Variants in CASK observed in about 807,000 individuals in gnomAD.
CASK encodes calcium/calmodulin dependent serine protein kinase, also known as peripheral plasma membrane protein CASK.
A neutral mutation model predicts 82.9 loss-of-function variants in CASK; 4 were observed. The observed-to-expected ratio is 0.05, with a 90% CI of 0.02 to 0.11. CASK has a LOEUF of 0.11. CASK is among the 10% of genes least tolerant of loss of function. CASK has a pLI of 1.00. For missense variants in CASK, 358 were observed against 720.9 expected, an observed-to-expected ratio of 0.50 and a Z score of 5.76; for synonymous variants, 259 against 253.5, an observed-to-expected ratio of 1.02 and a Z score of -0.20.
chrX:41,892,292 A>AAT (rs1451344261), intron 1 of CASK, among the ~76,000 whole-genome samples: 1 of 107,736 alleles, frequency 9.3e-6, no homozygotes, highest in African/African-American at 3.4e-5. Context: ...GATGTCGCCA[A>AAT]ATATACAATG....
At chrX:41,912,057 G>T (rs2072579381) in intron 1 of CASK, among the ~76,000 whole-genome samples, 1 of 104,337 alleles carries the variant, frequency 9.6e-6, no homozygotes, top group Admixed American at 1.1e-4. Context: ...ACAGGCCCCG[G>T]TGTGTGATGT....
At chrX:41,809,401 A>T (rs2070221035) in intron 2 of CASK, among the ~76,000 whole-genome samples, 1 of 112,193 alleles carries the variant, frequency 8.9e-6, no homozygotes, top group Admixed American at 9.4e-5. Context: ...CTTCCAGAGG[A>T]ACGATCAGGC....
At chrX:41,686,123 T>C (rs1336454360) in intron 5 of CASK, among the ~76,000 whole-genome samples, 4 of 110,550 alleles carry the variant, frequency 3.6e-5, no homozygotes, top group Non-Finnish European at 7.6e-5. Context: ...GGAGTCTCGC[T>C]CTGTCACCCA....
At chrX:41,569,002 C>A (rs781189335) in intron 16 of CASK, among the ~76,000 whole-genome samples, 74 of 111,264 alleles carry the variant, frequency 6.7e-4, no homozygotes, top group African/African-American at 2.4e-3. Context: ...TCAAAAAAAA[C>A]CCCCACATCA....
intron 2 of CASK, among the ~76,000 whole-genome samples, chrX:41,791,329 C>T (rs962736856): frequency 9.6e-6 from 1 of 104,419 alleles, no homozygotes; most frequent in Non-Finnish European, 2.0e-5. Flanking sequence ...CAAAGTCCAT[C>T]GTGTCATTCT....
At chrX:41,593,220 A>G (rs1403475309) in intron 12 of CASK, among the ~76,000 whole-genome samples, 1 of 111,231 alleles carries the variant, frequency 9.0e-6, no homozygotes, top group Non-Finnish European at 1.9e-5. Context: ...GCACCTCTCA[A>G]GGCAGCCACA....
intron 1 of CASK, among the ~76,000 whole-genome samples, chrX:41,872,511 C>CACCTCTTATG (rs1278995668): frequency 8.9e-6 from 1 of 111,811 alleles, no homozygotes; most frequent in Non-Finnish European, 1.9e-5. Flanking sequence ...ACAGAAAGAT[C>CACCTCTTATG]ACCTCTTATG....
intron 5 of CASK, among the ~76,000 whole-genome samples, chrX:41,724,904 T>C (rs759544213): frequency 1.8e-5 from 2 of 112,473 alleles, no homozygotes; most frequent in East Asian, 5.5e-4. Context: ...AACAGCATCA[T>C]AAAAGGAAGC....
chrX:41,695,482 A>G (rs1322241860), intron 5 of CASK: 2 of 449,711 alleles, frequency 4.4e-6, no homozygotes, highest in East Asian at 3.7e-5. Flanking sequence ...AGCCCAGCCT[A>G]TTATTTACAC....
intron 5 of CASK, chrX:41,728,242 G>A: frequency 3.3e-6 from 1 of 304,705 alleles, no homozygotes; most frequent in Non-Finnish European, 5.9e-6. Flanking sequence ...ACTTTCAGAA[G>A]CAAAAATTAA....
chrX:41,846,022 C>CA (rs1198253490), intron 2 of CASK, among the ~76,000 whole-genome samples: 1 of 111,180 alleles, frequency 9.0e-6, no homozygotes, highest in African/African-American at 3.3e-5. Context: ...GGAGGTTCCT[C>CA]AAAAAACTAA....
At chrX:41,792,935 C>T (rs958241484) in intron 2 of CASK, among the ~76,000 whole-genome samples, 3 of 111,544 alleles carry the variant, frequency 2.7e-5, no homozygotes, top group African/African-American at 9.8e-5. Context: ...GATAAGTTGA[C>T]TTGCTTTAAT....
At chrX:41,575,489 G>C (rs190348164) in intron 15 of CASK, among the ~76,000 whole-genome samples, 4 of 110,299 alleles carry the variant, frequency 3.6e-5, no homozygotes, top group East Asian at 5.7e-4. Flanking sequence ...TTGTAAGCTA[G>C]TTCAAGCTTG....
chrX:41,696,356 T>C, intron 5 of CASK: 1 of 1,174,278 alleles, frequency 8.5e-7, no homozygotes, highest in Non-Finnish European at 1.1e-6. Flanking sequence ...ATATTAAGAT[T>C]GGGAAGAATC....
intron 11 of CASK, among the ~76,000 whole-genome samples, chrX:41,618,322 C>A (rs1215051158): frequency 9.0e-6 from 1 of 111,628 alleles, no homozygotes; most frequent in African/African-American, 3.3e-5. Flanking sequence ...TGTTTTGAGA[C>A]AGGATCTTGC....
chrX:41,678,851 C>T (rs1269067931), intron 5 of CASK, among the ~76,000 whole-genome samples: 3 of 110,359 alleles, frequency 2.7e-5, no homozygotes, highest in Non-Finnish European at 3.8e-5. Flanking sequence ...TTCTATCCAT[C>T]TTACTTTTTA....
chrX:41,883,608 A>G (rs2071990560), intron 1 of CASK, among the ~76,000 whole-genome samples: 1 of 111,907 alleles, frequency 8.9e-6, no homozygotes, highest in South Asian at 3.8e-4. Context: ...TACTAAAAAC[A>G]AGAAGAAAAA....
At chrX:41,781,433 G>A (rs1489974385) in intron 3 of CASK, among the ~76,000 whole-genome samples, 1 of 112,528 alleles carries the variant, frequency 8.9e-6, no homozygotes. Context: ...CCACCAAAAT[G>A]ATAAATGCTG....
chrX:41,787,550 CA>C lies in CASK; in HGVS notation c.173-268del, dbSNP rs778064917. On this transcript the variant is annotated intron_variant, in intron 2 of 26. Transcript: ENST00000378163. Reference sequence around the variant, plus strand: ...CATTTCTTAATACTTTCCCCAAAAGCAAAAAAAAAAAAAAAAACAAACCACA... The same window carrying C: ...CATTTCTTAATACTTTCCCCAAAAGCAAAAAAAAAAAAAAAACAAACCACA... 0.04 allele frequency among the ~76,000 whole-genome samples: 1,578 copies of C among 39,621 alleles called. 18 individuals are homozygous for C. Among genetic ancestry groups the C allele is most frequent in the African/African-American group, 0.097 (1,141 of 11,755 alleles). The allele number at this position is 39,621 out of a possible 115,157, so 34.4% of individuals were successfully genotyped here.
Sources: gnomAD v4.1 joint callset for allele counts (sites outside exome capture counted in the v4.1 genomes callset) on GRCh38, gnomAD v4.1.1 for gene constraint, MANE v1.5 for transcripts, NCBI Gene and HGNC (gene_info 2026-07-23, HGNC 2026-07-21) for gene names.